The following CNTNAP2 variants were observed in gnomAD, a reference collection of about 807,000 sequenced individuals.
CNTNAP2 encodes the protein contactin associated protein 2.
CNTNAP2 carries 98 observed loss-of-function variants against 155.2 expected under a neutral mutation model. The ratio of observed to expected loss-of-function variants is 0.63; its 90% CI spans 0.54 to 0.75. CNTNAP2 has a LOEUF of 0.75. Ranked by LOEUF, CNTNAP2 falls within the 30% of genes least tolerant of loss-of-function variation. CNTNAP2 has a pLI of 0.00. For synonymous variants in CNTNAP2, 651 were observed against 631.2 expected (o/e 1.03, Z -0.47); for missense variants, 1,727 against 1,688.1 (o/e 1.02, Z -0.40).
At chr7:147,867,269 T>C (rs1799247650) in intron 13 of CNTNAP2, among the ~76,000 whole-genome samples, 1 of 152,214 alleles carries the variant, frequency 6.6e-6, no homozygotes, top group African/African-American at 2.4e-5. Flanking sequence ...GAACGTTGAA[T>C]ATTGACCCCA....
chr7:146,274,979 G>C (rs1800141609), intron 1 of CNTNAP2, among the ~76,000 whole-genome samples: 1 of 152,178 alleles, frequency 6.6e-6, no homozygotes, highest in Non-Finnish European at 1.5e-5. Context: ...CTGCAACAGA[G>C]ATGATTTGGC....
chr7:147,247,934 A>C lies in CNTNAP2; in HGVS notation c.1349-52207A>C, dbSNP rs535838063. ...TAGAAATTTTAAAAGGAAAAGGAAA[A>C]AAATTTTTAAAAAAAGGTATAAGGG... On this transcript the variant is annotated intron_variant, in intron 8 of 23. Coordinates refer to ENST00000361727, the MANE Select transcript of CNTNAP2 (RefSeq NM_014141.6). Among the ~76,000 whole-genome samples, 19 of 152,308 alleles carry C rather than the reference A, an allele frequency of 1.2e-4. No homozygotes were observed. In the East Asian group the frequency reaches 3.1e-3, roughly 25 times the overall value.
intron 8 of CNTNAP2, among the ~76,000 whole-genome samples, chr7:147,268,761 A>G (rs544824136): frequency 3.3e-5 from 5 of 152,288 alleles, no homozygotes; most frequent in African/African-American, 1.2e-4. Context: ...AGAGATTTAA[A>G]CTATACAGTC....
chr7:146,872,165 T>TA (rs926388019), intron 3 of CNTNAP2, among the ~76,000 whole-genome samples: 8 of 68,630 alleles, frequency 1.2e-4, no homozygotes, highest in African/African-American at 3.7e-4. Flanking sequence ...TTATTGAATT[T>TA]TTTTTTTTTT....
intron 15 of CNTNAP2, among the ~76,000 whole-genome samples, chr7:148,000,246 G>A (rs1801873103): frequency 6.6e-6 from 1 of 152,192 alleles, no homozygotes. Context: ...GGAGAAGCAA[G>A]CTCCATTCCT....
At chr7:146,858,754 CT>C (rs1795040897) in intron 3 of CNTNAP2, among the ~76,000 whole-genome samples, 1 of 152,134 alleles carries the variant, frequency 6.6e-6, no homozygotes, top group East Asian at 1.9e-4. Flanking sequence ...ATATCAGTTG[CT>C]GAAAGGTAGT....
At chr7:147,923,573 G>A (rs1187023335) in intron 14 of CNTNAP2, among the ~76,000 whole-genome samples, 2 of 151,898 alleles carry the variant, frequency 1.3e-5, no homozygotes, top group African/African-American at 4.8e-5. Flanking sequence ...AAATGCAGTG[G>A]TATAATCACA....
intron 13 of CNTNAP2, among the ~76,000 whole-genome samples, chr7:147,691,582 C>A (rs902473009): frequency 6.6e-6 from 1 of 152,098 alleles, no homozygotes; most frequent in Admixed American, 6.6e-5. Context: ...CAGCAGCATA[C>A]CACAATGTAG....
chr7:146,243,538 T>C (rs2116930830), intron 1 of CNTNAP2, among the ~76,000 whole-genome samples: 1 of 152,212 alleles, frequency 6.6e-6, no homozygotes, highest in African/African-American at 2.4e-5. Context: ...TAAAGCAAAA[T>C]ATTGGGGTTT....
chr7:148,009,115 T>C (rs1172413764), intron 15 of CNTNAP2, among the ~76,000 whole-genome samples: 2 of 152,212 alleles, frequency 1.3e-5, no homozygotes, highest in African/African-American at 4.8e-5. Context: ...GTTGAAAATA[T>C]ATCAAAAGTT....
intron 13 of CNTNAP2, among the ~76,000 whole-genome samples, chr7:147,713,040 G>A (rs771639299): frequency 7.2e-5 from 11 of 152,012 alleles, no homozygotes; most frequent in African/African-American, 2.2e-4. Flanking sequence ...TCATAATTCC[G>A]CAACCAATTA....
At chr7:148,283,304 AAAGGAAGGAAGG>A (rs142651719) in intron 21 of CNTNAP2, among the ~76,000 whole-genome samples, 16,241 of 88,354 alleles carry the variant, frequency 0.18, 3,178 homozygotes, top group Middle Eastern at 0.21. Flanking sequence ...AGAAAGAAAG[AAAGGAAGGAAGG>A]AAGGAAAGAA....
At chr7:146,866,757 A>G (rs1292886585) in intron 3 of CNTNAP2, among the ~76,000 whole-genome samples, 2 of 152,124 alleles carry the variant, frequency 1.3e-5, no homozygotes, top group Non-Finnish European at 2.9e-5. Flanking sequence ...TATTTGTAAT[A>G]GAGCAGAGTT....
chr7:148,182,411 G>T (rs547759258), intron 18 of CNTNAP2, among the ~76,000 whole-genome samples: 1 of 148,292 alleles, frequency 6.7e-6, no homozygotes, highest in East Asian at 2.0e-4. Flanking sequence ...ACTCCATCAC[G>T]TCTATGGGCC....
intron 1 of CNTNAP2, among the ~76,000 whole-genome samples, chr7:146,472,727 A>G (rs989341607): frequency 1.3e-5 from 2 of 152,024 alleles, no homozygotes; most frequent in Non-Finnish European, 2.9e-5. Context: ...AGATTTGAAT[A>G]TATTTTCCTT....
chr7:147,907,246 C>T (rs541725322), intron 14 of CNTNAP2, among the ~76,000 whole-genome samples: 72 of 151,978 alleles, frequency 4.7e-4, no homozygotes, highest in African/African-American at 1.6e-3. Flanking sequence ...TTAGTAGAGA[C>T]GGGGTTTCAC....
At chr7:148,172,180 T>TA in intron 17 of CNTNAP2, 62 bp from the exon 18 acceptor site, 1 of 1,514,306 alleles carries the variant, frequency 6.6e-7, no homozygotes, top group Non-Finnish European at 9.1e-7. Context: ...GTTCAAAATA[T>TA]GAAGAATTAA....
chr7:147,794,737 G>GTTTT (rs368387319), intron 13 of CNTNAP2, among the ~76,000 whole-genome samples: 1,615 of 149,012 alleles, frequency 0.011, 84 homozygotes, highest in Admixed American at 0.085. Flanking sequence ...TTTATGGGTA[G>GTTTT]TTTTTTTTTT....
intron 18 of CNTNAP2, among the ~76,000 whole-genome samples, chr7:148,181,643 G>A (rs902210732): frequency 6.1e-5 from 9 of 148,068 alleles, no homozygotes; most frequent in South Asian, 2.2e-4. Context: ...TGCAGAAAAA[G>A]CAAGTCCTCC....
Sources: gnomAD v4.1 joint callset for allele counts (sites outside exome capture counted in the v4.1 genomes callset) on GRCh38, gnomAD v4.1.1 for gene constraint, MANE v1.5 for transcripts, NCBI Gene and HGNC (gene_info 2026-07-23, HGNC 2026-07-21) for gene names.